The following ATG7 variants were observed in gnomAD, a reference collection of about 807,000 sequenced individuals.
ATG7 encodes the protein autophagy related 7.
A neutral mutation model predicts 82.4 loss-of-function variants in ATG7; 70 were observed. That is an observed-to-expected ratio of 0.85 (90% CI 0.70 to 1.04). The LOEUF (loss-of-function observed/expected upper bound fraction) is 1.04, where lower values mean the gene tolerates loss of function less well. Ranked by LOEUF, ATG7 falls within the 50% of genes least tolerant of loss-of-function variation. The pLI, the probability that ATG7 is intolerant of heterozygous loss-of-function variation, is 0.00. For synonymous variants in ATG7, 287 were observed against 313.0 expected, an observed-to-expected ratio of 0.92 and a Z score of 0.88; for missense variants, 792 against 864.3, an observed-to-expected ratio of 0.92 and a Z score of 1.05.
chr3:11,278,108 C>G (rs1286526011), intron 1 of ATG7, among the ~76,000 whole-genome samples: 1 of 152,024 alleles, frequency 6.6e-6, no homozygotes, highest in African/African-American at 2.4e-5. Context: ...TTATTCTGTT[C>G]TTTTTCAAGG....
At chr3:11,468,758 A>G (rs986441908) in intron 20 of ATG7, among the ~76,000 whole-genome samples, 1 of 152,198 alleles carries the variant, frequency 6.6e-6, no homozygotes, top group African/African-American at 2.4e-5. Flanking sequence ...CAGGGACTGT[A>G]CGCAAAATGT....
intron 20 of ATG7, among the ~76,000 whole-genome samples, chr3:11,440,725 C>G (rs765081905): frequency 8.8e-6 from 1 of 114,086 alleles, no homozygotes; most frequent in Non-Finnish European, 1.6e-5. Context: ...CTCTTGTCGC[C>G]CAGGCTGGAG....
At chr3:11,451,076 C>T (rs904991348) in intron 20 of ATG7, among the ~76,000 whole-genome samples, 2 of 152,080 alleles carry the variant, frequency 1.3e-5, no homozygotes, top group Non-Finnish European at 2.9e-5. Flanking sequence ...TTTATTTGAC[C>T]TTAATGAAAT....
intron 18 of ATG7, among the ~76,000 whole-genome samples, chr3:11,369,905 C>T (rs2076880963): frequency 6.6e-6 from 1 of 151,022 alleles, no homozygotes; most frequent in Admixed American, 6.6e-5. Context: ...TGATTAGAAC[C>T]CCAGCTTTGT....
At chr3:11,293,800 G>A (rs983374477) in intron 3 of ATG7, among the ~76,000 whole-genome samples, 7 of 151,598 alleles carry the variant, frequency 4.6e-5, no homozygotes, top group African/African-American at 1.2e-4. Context: ...TCAGTGAGCC[G>A]AGATCATGCC....
At chr3:11,513,558 C>T (rs1436280464) in intron 20 of ATG7, among the ~76,000 whole-genome samples, 1 of 152,218 alleles carries the variant, frequency 6.6e-6, no homozygotes, top group East Asian at 1.9e-4. Flanking sequence ...GCCAAGCCCA[C>T]GCCCACCCGG....
chr3:11,546,296 C>T (rs188264828), intron 20 of ATG7, among the ~76,000 whole-genome samples: 29 of 151,506 alleles, frequency 1.9e-4, no homozygotes, highest in East Asian at 1.6e-3. Flanking sequence ...CTCAGCCTCC[C>T]GAGTAGCTGG....
intron 19 of ATG7, 97 bp downstream of exon 19, chr3:11,380,149 G>T: frequency 8.9e-7 from 1 of 1,124,692 alleles, no homozygotes; most frequent in Non-Finnish European, 1.3e-6. Flanking sequence ...ACCAACTAAG[G>T]GCTTTTTGTG....
chr3:11,326,904 G>A (rs915609392), intron 9 of ATG7, among the ~76,000 whole-genome samples: 9 of 152,152 alleles, frequency 5.9e-5, no homozygotes, highest in African/African-American at 2.2e-4. Context: ...GAGAATCCCA[G>A]GGTTAAAATG....
intron 20 of ATG7, among the ~76,000 whole-genome samples, chr3:11,521,440 C>T (rs749982814): frequency 4.6e-5 from 7 of 152,152 alleles, no homozygotes; most frequent in Non-Finnish European, 8.8e-5. Context: ...GGGGAAAAGG[C>T]GCATCGCACA....
chr3:11,447,261 C>T (rs945966958), intron 20 of ATG7, among the ~76,000 whole-genome samples: 2 of 152,054 alleles, frequency 1.3e-5, no homozygotes, highest in African/African-American at 2.4e-5. Context: ...GTCAGGAATT[C>T]GAGACCAGCC....
At chr3:11,388,554 A>G (rs1222591816) in intron 19 of ATG7, among the ~76,000 whole-genome samples, 1 of 151,424 alleles carries the variant, frequency 6.6e-6, no homozygotes, top group African/African-American at 2.4e-5. Flanking sequence ...TCAGCGTCCC[A>G]AGTAGCTGGG....
At chr3:11,409,224 A>G (rs1445062151) in intron 19 of ATG7, among the ~76,000 whole-genome samples, 2 of 152,194 alleles carry the variant, frequency 1.3e-5, no homozygotes, top group Admixed American at 6.5e-5. Context: ...TCAATTTACC[A>G]TGGTGTGAGA....
rs779114006 is a variant in ATG7, at chr3:11,298,854, T to A, written c.159T>A (p.Asn53Lys). The A allele has an allele frequency of 5.6e-6, 9 of 1,614,056 alleles. No homozygotes were observed. The South Asian group carries it at 9.9e-5, about 18-fold the overall frequency. The change falls in exon 4 of 21, where the codon AAT becomes AAA. Residue 53 changes from asparagine (N) to lysine (K), a missense_variant and splice_region_variant. By Grantham distance (94) the Asn-to-Lys change is moderately conservative (BLOSUM62 0). Transcript: ENST00000693202. ...AGGACATTAAGGGTTATTACTACAA[T>A]GGTAGGTGATTGTAAATTTCATTTT... ...APKDIKGYYY[N>K]GDSAGLPARL...
At chr3:11,320,568 G>A (rs977475350) in intron 9 of ATG7, among the ~76,000 whole-genome samples, 7 of 152,148 alleles carry the variant, frequency 4.6e-5, no homozygotes, top group South Asian at 2.1e-4. Flanking sequence ...GATTACAGGC[G>A]TGAACCACCA....
intron 5 of ATG7, among the ~76,000 whole-genome samples, chr3:11,304,892 G>T (rs1947462344): frequency 6.6e-6 from 1 of 152,132 alleles, no homozygotes; most frequent in African/African-American, 2.4e-5. Context: ...TTAGTTTAAA[G>T]GGGTACGATT....
intron 20 of ATG7, among the ~76,000 whole-genome samples, chr3:11,447,203 C>T (rs889834215): frequency 2.6e-5 from 4 of 152,194 alleles, no homozygotes; most frequent in East Asian, 1.9e-4. Flanking sequence ...CAGTGGCTTA[C>T]GCCTGTAATC....
rs141268212 is a variant in ATG7, at chr3:11,366,354, A to C, written c.1875+1620A>C. On this transcript the variant is annotated intron_variant, in intron 18 of 20. Transcript: ENST00000693202. ...GACACGGCCTTGAAAACCACAAAAC[A>C]CTATGAAAATGTGCCCCCCTCTGTC... 2.0e-5 allele frequency among the ~76,000 whole-genome samples: 3 copies of C among 151,920 alleles called. No homozygotes were observed. The East Asian group carries it at 5.8e-4, about 29-fold the overall frequency.
intron 1 of ATG7, 28 bp from the exon 2 acceptor site, chr3:11,280,966 C>A (rs1361778153): frequency 6.6e-6 from 1 of 152,084 alleles, no homozygotes; most frequent in African/African-American, 2.4e-5. Context: ...ATTATTTTAC[C>A]AGTTCTTAAT....
Sources: gnomAD v4.1 joint callset for allele counts (sites outside exome capture counted in the v4.1 genomes callset) on GRCh38, gnomAD v4.1.1 for gene constraint, MANE v1.5 for transcripts, NCBI Gene and HGNC (gene_info 2026-07-23, HGNC 2026-07-21) for gene names.